GRM7: variants seen among roughly 807,000 people sequenced by gnomAD.
GRM7 encodes metabotropic glutamate receptor 7.
In GRM7, 35 loss-of-function variants were observed where a neutral mutation model predicts 84.5. That is an observed-to-expected ratio of 0.41 (90% CI 0.32 to 0.55). The LOEUF (loss-of-function observed/expected upper bound fraction) is 0.55, where lower values mean the gene tolerates loss of function less well. Among genes scored for constraint, GRM7 ranks in the 20% least tolerant of loss-of-function variants. The pLI, the probability that GRM7 is intolerant of heterozygous loss-of-function variation, is 0.19. For missense variants in GRM7, 1,003 were observed against 1,194.6 expected, an observed-to-expected ratio of 0.84 and a Z score of 2.36; for synonymous variants, 487 against 455.1, an observed-to-expected ratio of 1.07 and a Z score of -0.89.
intron 1 of GRM7, among the ~76,000 whole-genome samples, chr3:6,871,397 G>A (rs943998768): frequency 4.6e-5 from 7 of 151,888 alleles, no homozygotes; most frequent in Non-Finnish European, 7.4e-5. Flanking sequence ...TCACTGATAC[G>A]CATGATGAAA....
chr3:7,198,695 A>C (rs570815558), intron 2 of GRM7, among the ~76,000 whole-genome samples: 1 of 152,358 alleles, frequency 6.6e-6, no homozygotes, highest in East Asian at 1.9e-4. Context: ...CTTATAATTT[A>C]TTAAATAATG....
chr3:7,664,956 T>A (rs1699622025), intron 8 of GRM7, among the ~76,000 whole-genome samples: 1 of 152,124 alleles, frequency 6.6e-6, no homozygotes, highest in African/African-American at 2.4e-5. Flanking sequence ...TTTCAGACAA[T>A]ATTTATATTT....
chr3:6,915,418 C>T (rs898434890), intron 1 of GRM7, among the ~76,000 whole-genome samples: 5 of 152,038 alleles, frequency 3.3e-5, no homozygotes, highest in Admixed American at 6.6e-5. Context: ...TGAGTTTTTA[C>T]GGTCACTTGG....
At chr3:7,503,349 C>A (rs1350633616) in intron 7 of GRM7, among the ~76,000 whole-genome samples, 3 of 152,036 alleles carry the variant, frequency 2.0e-5, no homozygotes, top group Non-Finnish European at 4.4e-5. Context: ...TTCTAGATGA[C>A]AGTGACCTTT....
chr3:7,181,441 G>T (rs1266353483), intron 2 of GRM7, among the ~76,000 whole-genome samples: 3 of 151,960 alleles, frequency 2.0e-5, no homozygotes, highest in Non-Finnish European at 4.4e-5. Context: ...TTGTTGGTCA[G>T]TTGTTAGTAT....
intron 1 of GRM7, among the ~76,000 whole-genome samples, chr3:7,065,589 A>G (rs528113471): frequency 6.6e-5 from 10 of 152,008 alleles, no homozygotes; most frequent in African/African-American, 2.4e-4. Flanking sequence ...TTTGGTGACT[A>G]TAGCCTTATA....
chr3:7,158,325 C>T (rs1392467065), intron 2 of GRM7, among the ~76,000 whole-genome samples: 1 of 152,034 alleles, frequency 6.6e-6, no homozygotes, highest in African/African-American at 2.4e-5. Flanking sequence ...TAGTTATTTT[C>T]CTTTGTCTTT....
chr3:7,646,107 G>A (rs1392939473), intron 8 of GRM7, among the ~76,000 whole-genome samples: 1 of 152,182 alleles, frequency 6.6e-6, no homozygotes, highest in Non-Finnish European at 1.5e-5. Flanking sequence ...TCCATGCAGG[G>A]CCCATGCACC....
chr3:7,356,310 TA>T (rs796066042), intron 4 of GRM7, among the ~76,000 whole-genome samples: 55 of 151,956 alleles, frequency 3.6e-4, no homozygotes, highest in African/African-American at 1.2e-3. Flanking sequence ...TTTTTTTTTT[TA>T]TTTTTTTTGA....
chr3:7,316,064 T>A (rs1206366932), intron 4 of GRM7, among the ~76,000 whole-genome samples: 1 of 152,148 alleles, frequency 6.6e-6, no homozygotes, highest in Non-Finnish European at 1.5e-5. Context: ...ATTATCCAAG[T>A]ATCTATCAGG....
intron 2 of GRM7, among the ~76,000 whole-genome samples, chr3:7,245,950 G>T (rs1697741343): frequency 6.6e-6 from 1 of 151,938 alleles, no homozygotes; most frequent in Non-Finnish European, 1.5e-5. Context: ...AGCAAAATAT[G>T]AACATGATTA....
At chr3:7,326,621 G>A (rs991218075) in intron 4 of GRM7, among the ~76,000 whole-genome samples, 4 of 152,074 alleles carry the variant, frequency 2.6e-5, no homozygotes, top group Admixed American at 6.6e-5. Context: ...GCCGAGGCGG[G>A]TGGATCATCT....
chr3:7,471,276 G>T (rs552844934), intron 7 of GRM7, among the ~76,000 whole-genome samples: 8 of 151,856 alleles, frequency 5.3e-5, no homozygotes, highest in Non-Finnish European at 1.2e-4. Context: ...CAGTTCTTTA[G>T]GTTAGAAGTC....
chr3:7,067,728 C>T (rs574129163), intron 1 of GRM7, among the ~76,000 whole-genome samples: 3 of 151,978 alleles, frequency 2.0e-5, no homozygotes, highest in South Asian at 2.1e-4. Context: ...AGAATTTAGT[C>T]GTAAGGGTCA....
chr3:7,250,705 G>A (rs1360248108), intron 2 of GRM7, among the ~76,000 whole-genome samples: 4 of 151,946 alleles, frequency 2.6e-5, no homozygotes, highest in African/African-American at 7.3e-5. Context: ...TGTATTTTTA[G>A]TAGAGACGGG....
At chr3:7,378,014 T>C (rs1694427720) in intron 4 of GRM7, among the ~76,000 whole-genome samples, 1 of 152,160 alleles carries the variant, frequency 6.6e-6, no homozygotes. Flanking sequence ...TGTCCCCCGC[T>C]AGGAAGTCTC....
At chr3:7,154,977 T>A (rs1024777283) in intron 2 of GRM7, among the ~76,000 whole-genome samples, 12 of 152,132 alleles carry the variant, frequency 7.9e-5, no homozygotes, top group Non-Finnish European at 1.3e-4. Flanking sequence ...TATATGTATA[T>A]TGGAAAGATA....
chr3:7,103,326 C>A (rs372166425), intron 1 of GRM7, among the ~76,000 whole-genome samples: 1 of 151,702 alleles, frequency 6.6e-6, no homozygotes, highest in Admixed American at 6.6e-5. Flanking sequence ...AAAGTGGCTA[C>A]CAAGCCTCTC....
chr3:7,196,026 C>G (rs1240811413), intron 2 of GRM7, among the ~76,000 whole-genome samples: 1 of 151,892 alleles, frequency 6.6e-6, no homozygotes, highest in African/African-American at 2.4e-5. Flanking sequence ...ATCTACCTAC[C>G]TATGTACCTA....
Sources: gnomAD v4.1 joint callset for allele counts (sites outside exome capture counted in the v4.1 genomes callset) on GRCh38, gnomAD v4.1.1 for gene constraint, MANE v1.5 for transcripts, NCBI Gene and HGNC (gene_info 2026-07-23, HGNC 2026-07-21) for gene names.